MED15: variants seen among roughly 807,000 people sequenced by gnomAD.
The protein encoded by MED15 is mediator of RNA polymerase II transcription subunit 15.
A neutral mutation model predicts 118.7 loss-of-function variants in MED15; 41 were observed. The ratio of observed to expected loss-of-function variants is 0.35; its 90% confidence interval spans 0.27 to 0.45. The LOEUF (loss-of-function observed/expected upper bound fraction) is 0.45, where lower values mean the gene tolerates loss of function less well. MED15 is among the 20% of genes least tolerant of loss of function. The pLI is 1.00. For synonymous variants in MED15, 436 were observed against 413.9 expected, an observed-to-expected ratio of 1.05 and a Z score of -0.65; for missense variants, 740 against 1,025.5, an observed-to-expected ratio of 0.72 and a Z score of 3.80.
rs952440876 is a variant in MED15, at chr22:20,555,042, C to G, written c.345C>G (p.Ser115Arg). Residue 115 changes from serine to arginine, a missense_variant, in exon 5 of 18, where the codon AGC becomes AGG. Physicochemically the swap from Ser to Arg is moderately radical, Grantham distance 110 (BLOSUM62 -1). Around this residue, in one of 7 missense-constraint regions of MED15, gnomAD observed 117 missense variants for 124.6 expected, o/e 0.94. Transcript: ENST00000263205. ...GACAGTCTCTGGGCGGGATGGGTAG[C>G]CTTGGTGCCATGGGACAGCCAATGT... ...GPGQSLGGMG[S>R]LGAMGQPMSL... 77 of 1,612,650 alleles carry G rather than the reference C, an allele frequency of 4.8e-5. No homozygotes were observed. Among genetic ancestry groups the G allele is most frequent in the Non-Finnish European group, 6.2e-5 (73 of 1,180,008 alleles).
In MED15 at chr22:20,555,137, C is replaced by A; in HGVS notation, c.440C>A (p.Ala147Glu). 6.2e-7 allele frequency: 1 copy of A among 1,601,076 alleles called. No individual in the cohort carries two copies. The highest frequency in any genetic ancestry group is 8.5e-7 in the Non-Finnish European group (1 of 1,174,596). The change falls in exon 5 of 18, where the codon GCA (alanine) becomes GAA (glutamate). Residue 147 changes from alanine to glutamate, a missense_variant. Around this residue, in one of 7 missense-constraint regions of MED15, gnomAD observed 117 missense variants for 124.6 expected, o/e 0.94. Transcript: ENST00000263205. The stretch of plus-strand genomic sequence containing the variant: ...CACAGCATGGCTGTCGTGTCTACGG[C>A]AACTCCACAGAGTGAGTACCACACT... ...APHSMAVVSTATPQTQLQLQQ... is the reference protein window; with the variant it reads ...APHSMAVVSTETPQTQLQLQQ...
chr22:20,576,951 T>C (rs1231033060), intron 9 of MED15, among the ~76,000 whole-genome samples: 3 of 152,214 alleles, frequency 2.0e-5, no homozygotes, highest in Admixed American at 1.3e-4. Flanking sequence ...GGAATGACTT[T>C]AGTAGCAGCA....
chr22:20,548,630 T>G (rs2055649837), intron 2 of MED15, among the ~76,000 whole-genome samples: 1 of 152,198 alleles, frequency 6.6e-6, no homozygotes, highest in Admixed American at 6.5e-5. Context: ...TCATGGCAGA[T>G]TTAAGCAAAT....
intron 2 of MED15, 101 bp from the exon 3 acceptor site, chr22:20,551,335 G>T (rs12628934): frequency 8.6e-6 from 9 of 1,051,898 alleles, no homozygotes; most frequent in Non-Finnish European, 1.3e-5. Context: ...CTTGCAGGAT[G>T]GGCTTCAGCT....
chr22:20,586,922 CT>C lies in MED15; in HGVS notation c.*220del. 1.5e-6 allele frequency: 1 copy of C among 658,126 alleles called. No individual in the cohort carries two copies. The highest frequency in any genetic ancestry group is 2.5e-6 in the Non-Finnish European group (1 of 399,036). 40.8% of individuals were successfully genotyped at this position (658,126 alleles called of 1,614,324 possible). ...TTGCTTGGGGGGCGTTGGCCGACTTCTTAGAGAAGGCCCTCCATGTGACTTC... is the reference window on the plus strand; with the variant it reads ...TTGCTTGGGGGGCGTTGGCCGACTTCTAGAGAAGGCCCTCCATGTGACTTC... On this transcript the variant is annotated 3_prime_UTR_variant, in exon 18 of 18. Transcript: ENST00000263205.
At chr22:20,586,471 C>G in intron 17 of MED15, 97 bp from the exon 18 acceptor site, 1 of 1,535,722 alleles carries the variant, frequency 6.5e-7, no homozygotes, top group Non-Finnish European at 8.8e-7. Context: ...TGCTTCGGCC[C>G]GCGCCTGGGG....
chr22:20,566,943 C>T, intron 7 of MED15, 126 bp downstream of exon 7: 2 of 1,498,758 alleles, frequency 1.3e-6, no homozygotes, highest in Non-Finnish European at 1.8e-6. Context: ...GCAGCCCCCA[C>T]CCCTTGCCAG....
At chr22:20,567,782 G>A (rs1478123264) in intron 7 of MED15, among the ~76,000 whole-genome samples, 2 of 152,206 alleles carry the variant, frequency 1.3e-5, no homozygotes, top group South Asian at 2.1e-4. Context: ...GCATGGTGGC[G>A]CGGGCCTGTC....
intron 16 of MED15, 143 bp downstream of exon 16, chr22:20,585,410 A>G: frequency 1.8e-6 from 2 of 1,126,366 alleles, no homozygotes; most frequent in South Asian, 3.1e-5. Flanking sequence ...CTATCCTCAC[A>G]CACACCGGGC....
At chr22:20,537,318 C>A in intron 2 of MED15, 114 bp downstream of exon 2, 1 of 838,504 alleles carries the variant, frequency 1.2e-6, no homozygotes, top group Non-Finnish European at 1.8e-6. Context: ...GGTGGTTGCT[C>A]ATCGATTGAT....
chr22:20,511,434 G>C (rs766717545), intron 1 of MED15, among the ~76,000 whole-genome samples: 14 of 151,902 alleles, frequency 9.2e-5, no homozygotes, highest in Non-Finnish European at 1.6e-4. Context: ...CGAGGCTGCA[G>C]TGAGCTACGT....
chr22:20,585,065 C>T (rs750522669), intron 15 of MED15, 36 bp from the exon 16 acceptor site: 12 of 1,613,428 alleles, frequency 7.4e-6, no homozygotes, highest in Non-Finnish European at 1.0e-5. Flanking sequence ...CCCTGGGCCG[C>T]GTGTGCCAGG....
In MED15 at chr22:20,565,715, C is replaced by G. The variant is rs145922848; in HGVS notation, c.691-752C>G. Reference sequence around the variant, plus strand: ...CTGACAAGCAGACCTTGACCGTCACCGTGAGGCTCATGCCACTGACCTATA... The same window carrying G: ...CTGACAAGCAGACCTTGACCGTCACGGTGAGGCTCATGCCACTGACCTATA... On this transcript the variant is annotated intron_variant, in intron 6 of 17. Transcript: ENST00000263205. Among the ~76,000 whole-genome samples the G allele has an allele frequency of 2.2e-3, 330 of 152,370 alleles. 1 individual carries two copies. Among genetic ancestry groups the G allele is most frequent in the African/African-American group, 7.4e-3 (308 of 41,582 alleles).
chr22:20,530,098 A>G (rs901036808), intron 1 of MED15, among the ~76,000 whole-genome samples: 3 of 152,086 alleles, frequency 2.0e-5, no homozygotes, highest in Non-Finnish European at 2.9e-5. Flanking sequence ...TTAGGAAACC[A>G]TCATCCTGAT....
chr22:20,541,244 A>G (rs1003595297), intron 2 of MED15, among the ~76,000 whole-genome samples: 2 of 152,170 alleles, frequency 1.3e-5, no homozygotes, highest in African/African-American at 4.8e-5. Flanking sequence ...GTCTCAAAAA[A>G]TAAATACATA....
chr22:20,560,550 T>A (rs371196716), intron 5 of MED15, among the ~76,000 whole-genome samples: 4 of 152,044 alleles, frequency 2.6e-5, no homozygotes, highest in African/African-American at 9.7e-5. Context: ...GGCATGAGCC[T>A]CCGCGCCTGG....
Position 20,553,141 on chromosome 22 carries a change from A to G in MED15, c.209-4A>G, listed in dbSNP as rs762500381. On this transcript the variant is annotated splice_region_variant and splice_polypyrimidine_tract_variant and intron_variant, in intron 3 of 17. Coordinates refer to ENST00000263205, the MANE Select transcript of MED15 (RefSeq NM_001003891.3). ...TTCGTTTTTTTGTTTGTGTTTTCAT[A>G]TAGATAACAAGAAATCTCAAGCTTC... 30 of 1,610,464 alleles carry G rather than the reference A, an allele frequency of 1.9e-5. No individual in the cohort carries two copies. Among genetic ancestry groups the G allele is most frequent in the Admixed American group, 5.0e-5 (3 of 59,672 alleles).
intron 1 of MED15, chr22:20,508,144 A>G: frequency 1.6e-6 from 2 of 1,224,716 alleles, no homozygotes; most frequent in Non-Finnish European, 2.1e-6. Context: ...AAGCGCATCA[A>G]CGGTGAAAGA....
At chr22:20,540,603 A>G (rs1277590856) in intron 2 of MED15, among the ~76,000 whole-genome samples, 1 of 152,066 alleles carries the variant, frequency 6.6e-6, no homozygotes, top group Non-Finnish European at 1.5e-5. Context: ...TTAACTCAAA[A>G]TGGGTCAAAA....
Sources: allele counts gnomAD v4.1 joint callset (sites outside exome capture counted in the v4.1 genomes callset), GRCh38; gene constraint gnomAD v4.1.1; regional missense constraint gnomAD v4.1.1; transcripts MANE v1.5; gene names NCBI Gene and HGNC (gene_info 2026-07-23, HGNC 2026-07-21).